CNTN5: variants seen among roughly 807,000 people sequenced by gnomAD.
The protein encoded by CNTN5 is contactin-5.
A neutral mutation model predicts 129.1 loss-of-function variants in CNTN5; 77 were observed. That is an observed-to-expected ratio of 0.60 (90% CI 0.50 to 0.72). CNTN5 has a LOEUF of 0.72. Among genes scored for constraint, CNTN5 ranks in the 30% least tolerant of loss-of-function variants. The pLI, the probability that CNTN5 is intolerant of heterozygous loss-of-function variation, is 0.00. For missense variants in CNTN5, 1,478 were observed against 1,328.8 expected, an observed-to-expected ratio of 1.11 and a Z score of -1.75; for synonymous variants, 509 against 465.6, an observed-to-expected ratio of 1.09 and a Z score of -1.20.
chr11:99,535,496 T>A (rs900358814), intron 2 of CNTN5, among the ~76,000 whole-genome samples: 2 of 152,162 alleles, frequency 1.3e-5, no homozygotes, highest in Non-Finnish European at 2.9e-5. Flanking sequence ...GTTGCCAAAA[T>A]CTACTTGGAT....
chr11:99,355,830 T>G (rs1011565101), intron 2 of CNTN5, among the ~76,000 whole-genome samples: 6 of 150,226 alleles, frequency 4.0e-5, no homozygotes, highest in South Asian at 2.1e-4. Context: ...TGTTTTTTTT[T>G]TTTTTGTTTT....
intron 7 of CNTN5, among the ~76,000 whole-genome samples, chr11:99,933,873 A>G (rs1318551985): frequency 2.6e-5 from 4 of 152,222 alleles, no homozygotes; most frequent in African/African-American, 9.6e-5. Flanking sequence ...TGGGATTAGT[A>G]TATAAATCTT....
intron 3 of CNTN5, among the ~76,000 whole-genome samples, chr11:99,774,113 A>G (rs183821578): frequency 6.6e-6 from 1 of 152,048 alleles, no homozygotes; most frequent in East Asian, 1.9e-4. Flanking sequence ...CATTTTTTCC[A>G]AGTTCTAGAA....
intron 16 of CNTN5, among the ~76,000 whole-genome samples, chr11:100,228,167 T>C (rs1364392100): frequency 6.6e-6 from 1 of 152,214 alleles, no homozygotes; most frequent in Non-Finnish European, 1.5e-5. Flanking sequence ...TGTATTACTC[T>C]GCTTCTTAGT....
chr11:99,589,343 C>A (rs892774578), intron 3 of CNTN5, among the ~76,000 whole-genome samples: 1 of 152,274 alleles, frequency 6.6e-6, no homozygotes, highest in South Asian at 2.1e-4. Flanking sequence ...TATTTAAGTT[C>A]TTTAATTAAT....
At chr11:99,143,538 C>CT (rs1168227029) in intron 1 of CNTN5, among the ~76,000 whole-genome samples, 2 of 148 alleles carry the variant, frequency 0.014, no homozygotes, top group African/African-American at 0.022. Context: ...TTCTTTCTCT[C>CT]CTGGCTCCCT....
intron 1 of CNTN5, among the ~76,000 whole-genome samples, chr11:99,102,101 C>T (rs1231090744): frequency 6.6e-6 from 1 of 152,180 alleles, no homozygotes; most frequent in Non-Finnish European, 1.5e-5. Context: ...GGCTTGCACC[C>T]TCTGAAGACA....
At chr11:99,208,899 CT>C (rs1859619555) in intron 1 of CNTN5, among the ~76,000 whole-genome samples, 1 of 152,006 alleles carries the variant, frequency 6.6e-6, no homozygotes, top group Non-Finnish European at 1.5e-5. Context: ...AGAGAAACAA[CT>C]GTTTATATTA....
At chr11:99,229,908 T>C (rs1224396432) in intron 1 of CNTN5, among the ~76,000 whole-genome samples, 9 of 152,170 alleles carry the variant, frequency 5.9e-5, no homozygotes, top group African/African-American at 1.9e-4. Context: ...CATATAAATA[T>C]AATGTGCAAT....
At chr11:99,323,106 A>G (rs755854409) in intron 1 of CNTN5, among the ~76,000 whole-genome samples, 2 of 152,302 alleles carry the variant, frequency 1.3e-5, no homozygotes, top group Non-Finnish European at 2.9e-5. Context: ...AACAACTAAC[A>G]TATGTAAAAC....
intron 8 of CNTN5, among the ~76,000 whole-genome samples, chr11:100,001,099 C>T (rs541969460): frequency 6.6e-6 from 1 of 152,140 alleles, no homozygotes; most frequent in East Asian, 1.9e-4. Flanking sequence ...ACACTCAGCT[C>T]CTCGTTACTT....
intron 3 of CNTN5, among the ~76,000 whole-genome samples, chr11:99,785,732 A>T (rs1188560625): frequency 6.6e-6 from 1 of 152,158 alleles, no homozygotes; most frequent in Non-Finnish European, 1.5e-5. Context: ...TCATAAACAT[A>T]AACAGAACCA....
At chr11:99,071,187 T>G (rs1865326853) in intron 1 of CNTN5, among the ~76,000 whole-genome samples, 1 of 152,084 alleles carries the variant, frequency 6.6e-6, no homozygotes, top group African/African-American at 2.4e-5. Context: ...TCAAAGAACA[T>G]AAAATATATA....
intron 4 of CNTN5, among the ~76,000 whole-genome samples, chr11:99,825,156 A>C (rs1375085557): frequency 2.0e-5 from 3 of 152,138 alleles, no homozygotes; most frequent in African/African-American, 7.2e-5. Flanking sequence ...TTAGGAGGAA[A>C]ACAGAAAAGG....
At chr11:99,231,592 T>G (rs1861001671) in intron 1 of CNTN5, among the ~76,000 whole-genome samples, 1 of 152,208 alleles carries the variant, frequency 6.6e-6, no homozygotes, top group African/African-American at 2.4e-5. Context: ...TCTCCCATTC[T>G]GTAGGTTGTC....
chr11:99,801,921 A>G lies in CNTN5; in HGVS notation c.56-17623A>G, dbSNP rs574672075. On this transcript the variant is annotated intron_variant, in intron 3 of 24. Coordinates refer to ENST00000524871, the MANE Select transcript of CNTN5 (RefSeq NM_014361.4). ...TTTGAAATTCTTACCTGTCCTTGGC[A>G]TGTGAATGCCCCCAAAGCATTCATA... 5.9e-5 allele frequency among the ~76,000 whole-genome samples: 9 copies of G among 152,266 alleles called. No homozygotes were observed. The South Asian group carries it at 1.9e-3, about 32-fold the overall frequency.
chr11:100,145,529 G>T (rs2138277181), intron 13 of CNTN5, among the ~76,000 whole-genome samples: 1 of 152,256 alleles, frequency 6.6e-6, no homozygotes, highest in African/African-American at 2.4e-5. Flanking sequence ...GGACTTGACA[G>T]GAGCCTCTGG....
intron 2 of CNTN5, among the ~76,000 whole-genome samples, chr11:99,549,146 C>G (rs1027876757): frequency 6.6e-6 from 1 of 150,636 alleles, no homozygotes; most frequent in African/African-American, 2.4e-5. Context: ...TATCTGAAGT[C>G]TTTGCTGGTA....
intron 3 of CNTN5, among the ~76,000 whole-genome samples, chr11:99,745,659 A>T (rs1944031540): frequency 6.6e-6 from 1 of 152,220 alleles, no homozygotes. Flanking sequence ...GGCCAGCAAC[A>T]TAAATTTCAA....
Sources: gnomAD v4.1 joint callset for allele counts (sites outside exome capture counted in the v4.1 genomes callset) on GRCh38, gnomAD v4.1.1 for gene constraint, MANE v1.5 for transcripts, NCBI Gene and HGNC (gene_info 2026-07-23, HGNC 2026-07-21) for gene names.